The following IMMP2L variants were observed in gnomAD, a reference collection of about 807,000 sequenced individuals.
IMMP2L encodes mitochondrial inner membrane protease subunit 2.
IMMP2L carries 18 observed loss-of-function variants against 19.3 expected under a neutral mutation model. The ratio of observed to expected loss-of-function variants is 0.93; its 90% CI spans 0.64 to 1.38. The LOEUF (loss-of-function observed/expected upper bound fraction) is 1.38, where lower values mean the gene tolerates loss of function less well. Ranked by LOEUF, IMMP2L falls within the 40% of genes most tolerant of loss-of-function variation. The pLI, the probability that IMMP2L is intolerant of heterozygous loss-of-function variation, is 0.00. For synonymous variants in IMMP2L, 76 were observed against 73.0 expected, an observed-to-expected ratio of 1.04 and a Z score of -0.21; for missense variants, 233 against 218.2, an observed-to-expected ratio of 1.07 and a Z score of -0.43.
At chr7:111,191,413 A>C (rs1429440711) in intron 3 of IMMP2L, among the ~76,000 whole-genome samples, 1 of 144,408 alleles carries the variant, frequency 6.9e-6, no homozygotes, top group Non-Finnish European at 1.5e-5. Context: ...GTAACAAGGT[A>C]AAATGCTGCT....
chr7:111,009,079 T>C (rs1057287285), intron 3 of IMMP2L, among the ~76,000 whole-genome samples: 4 of 152,116 alleles, frequency 2.6e-5, no homozygotes, highest in African/African-American at 7.2e-5. Flanking sequence ...TGGGGGCTGT[T>C]CTATTAATAC....
chr7:111,066,713 T>C (rs139623549), intron 3 of IMMP2L, among the ~76,000 whole-genome samples: 114 of 152,306 alleles, frequency 7.5e-4, no homozygotes, highest in African/African-American at 2.4e-3. Context: ...GTCCTTGGCT[T>C]CTGATGGGTA....
intron 3 of IMMP2L, among the ~76,000 whole-genome samples, chr7:111,390,140 G>C (rs552524961): frequency 6.6e-6 from 1 of 152,154 alleles, no homozygotes; most frequent in African/African-American, 2.4e-5. Flanking sequence ...ACAGCCGCCA[G>C]GTCAGTAGAC....
At chr7:110,788,284 C>T (rs962679054) in intron 5 of IMMP2L, among the ~76,000 whole-genome samples, 1 of 152,028 alleles carries the variant, frequency 6.6e-6, no homozygotes, top group African/African-American at 2.4e-5. Flanking sequence ...CAAGGAAGTA[C>T]CTCCTAAGGG....
intron 4 of IMMP2L, among the ~76,000 whole-genome samples, chr7:110,907,735 T>C (rs1444979799): frequency 6.6e-6 from 1 of 152,180 alleles, no homozygotes; most frequent in Non-Finnish European, 1.5e-5. Flanking sequence ...GTACTTGCTA[T>C]ATAGTAAAAA....
intron 3 of IMMP2L, among the ~76,000 whole-genome samples, chr7:111,291,678 T>C (rs76383973): frequency 0.044 from 6,660 of 152,188 alleles, 231 homozygotes; most frequent in South Asian, 0.083. Context: ...GCCTTAGTGA[T>C]CTGATGCAAA....
At chr7:110,954,812 G>T (rs533310351) in intron 4 of IMMP2L, among the ~76,000 whole-genome samples, 1 of 152,042 alleles carries the variant, frequency 6.6e-6, no homozygotes, top group Non-Finnish European at 1.5e-5. Context: ...CGAGAGATAG[G>T]TGGACTAAGG....
intron 3 of IMMP2L, among the ~76,000 whole-genome samples, chr7:111,004,225 T>C (rs530490506): frequency 6.6e-6 from 1 of 152,292 alleles, no homozygotes; most frequent in South Asian, 2.1e-4. Flanking sequence ...AATTCTCTTT[T>C]GGAGTGCAAT....
chr7:110,819,667 T>A (rs769992636), intron 5 of IMMP2L, among the ~76,000 whole-genome samples: 2 of 152,032 alleles, frequency 1.3e-5, no homozygotes, highest in Non-Finnish European at 2.9e-5. Flanking sequence ...TAGGCCCCAA[T>A]GATTTTACTA....
rs112280462 is a variant in IMMP2L at position 111,074,368 on chromosome 7, C to G, written c.240-110803G>C. Among the ~76,000 whole-genome samples the G allele has an allele frequency of 1.8e-3, 275 of 152,342 alleles. 2 individuals are homozygous for G. Among genetic ancestry groups the G allele is most frequent in the African/African-American group, 6.3e-3 (262 of 41,574 alleles). On this transcript the variant is annotated intron_variant, in intron 3 of 5. Coordinates refer to ENST00000405709, the MANE Select transcript of IMMP2L (RefSeq NM_032549.4). The stretch of plus-strand genomic sequence containing the variant: ...ACTAATTTGCTTTTCATAAACACCA[C>G]ACTTGCAATAAACTTTTAAAGCAAG...
At chr7:110,809,757 T>C (rs958657661) in intron 5 of IMMP2L, among the ~76,000 whole-genome samples, 18 of 152,086 alleles carry the variant, frequency 1.2e-4, no homozygotes, top group African/African-American at 1.7e-4. Flanking sequence ...ATCTGTTTCA[T>C]CAGTTGGATA....
intron 3 of IMMP2L, among the ~76,000 whole-genome samples, chr7:111,389,762 T>C (rs1482451269): frequency 6.6e-6 from 1 of 152,088 alleles, no homozygotes; most frequent in East Asian, 1.9e-4. Flanking sequence ...TAAATGCCCA[T>C]ATAACTATTA....
intron 5 of IMMP2L, among the ~76,000 whole-genome samples, chr7:110,867,583 C>T (rs1446987801): frequency 6.6e-6 from 1 of 151,762 alleles, no homozygotes; most frequent in Non-Finnish European, 1.5e-5. Context: ...TGACTATTAC[C>T]AAGAAAAGTC....
intron 3 of IMMP2L, among the ~76,000 whole-genome samples, chr7:111,088,274 T>C (rs1173433566): frequency 6.6e-6 from 1 of 152,216 alleles, no homozygotes; most frequent in Non-Finnish European, 1.5e-5. Flanking sequence ...TTAAGGGTTG[T>C]AATTATTCAT....
intron 3 of IMMP2L, among the ~76,000 whole-genome samples, chr7:111,364,136 C>T (rs573017565): frequency 6.6e-6 from 1 of 151,938 alleles, no homozygotes; most frequent in Non-Finnish European, 1.5e-5. Context: ...TAGACAGTAA[C>T]CTCTTCTAAG....
chr7:110,715,586 T>C (rs1251108414), intron 5 of IMMP2L, among the ~76,000 whole-genome samples: 2 of 152,344 alleles, frequency 1.3e-5, no homozygotes, highest in East Asian at 3.9e-4. Context: ...TTGGGAGATC[T>C]TCTTGGTACT....
intron 3 of IMMP2L, among the ~76,000 whole-genome samples, chr7:111,085,199 T>A (rs909467943): frequency 1.3e-5 from 2 of 152,226 alleles, no homozygotes; most frequent in African/African-American, 4.8e-5. Context: ...CTTGGCATAG[T>A]GAGATTACTT....
Position 110,787,445 on chromosome 7 carries a change from C to T in IMMP2L, c.408+99148G>A, listed in dbSNP as rs543683433. 1.3e-3 allele frequency among the ~76,000 whole-genome samples: 194 copies of T among 152,016 alleles called. 2 individuals carry two copies. The South Asian group carries it at 0.019, about 15-fold the overall frequency. On this transcript the variant is annotated intron_variant, in intron 5 of 5. Transcript: ENST00000405709. ...CAGTTGCTTTATGCCAATTTCTTAT[C>T]TCAGGAGTCTGTCAAATAAGGATCC...
chr7:111,399,370 A>AT lies in IMMP2L; in HGVS notation c.239+87867dup, dbSNP rs562628977. ...GGTCTTCAACAAAGCAAACAGATTAATTTTTTTTTGACCCAGTATCTCTTT... is the reference window on the plus strand; with the variant it reads ...GGTCTTCAACAAAGCAAACAGATTAATTTTTTTTTTGACCCAGTATCTCTTT... On this transcript the variant is annotated intron_variant, in intron 3 of 5. Transcript: ENST00000405709. Among the ~76,000 whole-genome samples, 259 of 151,238 alleles carry AT rather than the reference A, an allele frequency of 1.7e-3. 1 individual carries two copies. The highest frequency in any genetic ancestry group is 5.4e-3 in the African/African-American group (221 of 41,252).
Sources: allele counts gnomAD v4.1 joint callset (sites outside exome capture counted in the v4.1 genomes callset), GRCh38; gene constraint gnomAD v4.1.1; transcripts MANE v1.5; gene names NCBI Gene and HGNC (gene_info 2026-07-23, HGNC 2026-07-21).